The following MICALL2 variants were observed in gnomAD, a reference collection of about 807,000 sequenced individuals.
MICALL2 encodes MICAL-like protein 2.
A neutral mutation model predicts 91.1 loss-of-function variants in MICALL2; 111 were observed. That is an observed-to-expected ratio of 1.22 (90% CI 1.04 to 1.43). The LOEUF (loss-of-function observed/expected upper bound fraction) is 1.43, where lower values mean the gene tolerates loss of function less well. MICALL2 is among the 40% of genes most tolerant of loss of function. MICALL2 has a pLI of 0.00. For synonymous variants in MICALL2, 694 were observed against 525.3 expected (o/e 1.32, Z -4.39); for missense variants, 1,556 against 1,236.0 (o/e 1.26, Z -3.88).
Position 1,438,869 on chromosome 7 carries a change from T to C in MICALL2, c.2093A>G (p.Glu698Gly). The C allele has an allele frequency of 1.2e-6, 2 of 1,608,902 alleles. No individual in the cohort carries two copies. Residue 698 changes from glutamate to glycine, a missense_variant, in exon 10 of 17, where the codon GAG becomes GGG. Transcript: ENST00000297508. ...EARVQSWKEE[E>G]KKPHLQGKPG... is the part of the protein sequence containing the mutation. ...TTTGCCCTGAAGGTGAGGTTTCTTC[T>C]CCTCCTCCTTCCAGCTCTGCACTCG...
At chr7:1,457,537 A>G (rs936493589) in intron 1 of MICALL2, among the ~76,000 whole-genome samples, 1 of 152,248 alleles carries the variant, frequency 6.6e-6, no homozygotes, top group Admixed American at 6.5e-5. Flanking sequence ...GAACTGGCAC[A>G]GGACTCAGTG....
At chr7:1,439,874 G>C (rs752263690) in intron 9 of MICALL2, 51 bp downstream of exon 9, 2 of 1,378,542 alleles carry the variant, frequency 1.5e-6, no homozygotes, top group Non-Finnish European at 9.4e-7. Context: ...CCACCCAAGG[G>C]GGAGGGCCAG....
intron 1 of MICALL2, among the ~76,000 whole-genome samples, chr7:1,457,041 A>C (rs756294785): frequency 3.3e-5 from 5 of 152,032 alleles, no homozygotes; most frequent in Admixed American, 6.5e-5. Flanking sequence ...CTTGCTGCCT[A>C]AGGAGGTTCT....
chr7:1,439,352 C>T, intron 9 of MICALL2: 1 of 258,462 alleles, frequency 3.9e-6, no homozygotes, highest in Non-Finnish European at 7.4e-6. Flanking sequence ...ACACATGCAT[C>T]ACATTCATGA....
intron 6 of MICALL2, 111 bp from the exon 7 acceptor site, chr7:1,442,595 G>A (rs1403551003): frequency 8.3e-5 from 91 of 1,096,954 alleles, no homozygotes; most frequent in African/African-American, 1.6e-4. Flanking sequence ...CCCAGCCTCC[G>A]GACGGACTCC....
chr7:1,438,112 G>C lies in MICALL2; in HGVS notation c.2296C>G (p.Arg766Gly), dbSNP rs766085386. 6.4e-7 allele frequency: 1 copy of C among 1,564,300 alleles called. No individual in the cohort carries two copies. Among genetic ancestry groups the C allele is most frequent in the South Asian group, 1.2e-5 (1 of 85,190 alleles). The change falls in exon 12 of 17, where the codon CGG becomes GGG. Residue 766 changes from arginine (R) to glycine (G), a missense_variant. Transcript: ENST00000297508. ...LRGVELEKRL[R>G]AAEGDDAEDS... ...AGGCGCTCACCTCCCTCGGCCGCCC[G>C]CAGTCGCTTCTCCAGCTCCACGCCG...
At chr7:1,449,158 C>G (rs1354497962) in intron 2 of MICALL2, among the ~76,000 whole-genome samples, 1 of 152,232 alleles carries the variant, frequency 6.6e-6, no homozygotes, top group Non-Finnish European at 1.5e-5. Flanking sequence ...GTCGCCATGT[C>G]AGGGCTCCCA....
At position 1,448,738 on chromosome 7, in the gene MICALL2, G is replaced by C; in HGVS notation, c.216C>G (p.His72Gln). 6.2e-7 allele frequency: 1 copy of C among 1,612,758 alleles called. No individual in the cohort carries two copies. The highest frequency in any genetic ancestry group is 1.1e-5 in the South Asian group (1 of 91,088). Reference protein sequence around the residue: ...NKLAFRVAEEHLGIPALLDAE... With the variant: ...NKLAFRVAEEQLGIPALLDAE... ...CATCCAGCAAGGCTGGGATGCCCAA[G>C]TGCTCCTCGGCCACGCGGAAGGCCT... is the stretch of plus-strand genomic sequence containing the variant. Residue 72 changes from histidine to glutamine, a missense_variant, in exon 3 of 17, where the codon CAC becomes CAG. Coordinates refer to ENST00000297508, the MANE Select transcript of MICALL2 (RefSeq NM_182924.4).
intron 5 of MICALL2, 155 bp downstream of exon 5, chr7:1,446,558 G>A: frequency 1.8e-6 from 1 of 569,550 alleles, no homozygotes; most frequent in Non-Finnish European, 3.1e-6. Context: ...GGGAGGAGGG[G>A]AGACGGGGAG....
Position 1,444,882 on chromosome 7 carries a change from T to G in MICALL2, c.1188A>C (p.Thr396=). ...APQTTLSSSS[T]SAATVDPPAW... is the part of the protein sequence containing the mutation. ...CTGGGGGGTCCACCGTGGCTGCAGA[T>G]GTGGAGCTTGAACTGAGTGTGGTTT... Residue 396 remains threonine (T), a synonymous_variant, in exon 6 of 17, where the codon ACA becomes ACC. Transcript: ENST00000297508. The G allele has an allele frequency of 6.3e-7, 1 of 1,588,796 alleles. No individual in the cohort carries two copies. The highest frequency in any genetic ancestry group is 8.5e-7 in the Non-Finnish European group (1 of 1,171,216).
In MICALL2 at chr7:1,448,753, G is replaced by A. The variant is rs747687829; in HGVS notation, c.201C>T (p.Arg67=). Residue 67 remains arginine (R), a synonymous_variant, in exon 3 of 17, where the codon CGC becomes CGT. Coordinates refer to ENST00000297508, the MANE Select transcript of MICALL2 (RefSeq NM_182924.4). ...GGATGCCCAAGTGCTCCTCGGCCAC[G>A]CGGAAGGCCTGCGAAAGGTGGGAGG... ...NIYENNKLAF[R]VAEEHLGIPA... The A allele has an allele frequency of 5.4e-5, 87 of 1,612,476 alleles. No homozygotes were observed. The highest frequency in any genetic ancestry group is 3.8e-5 in the Non-Finnish European group (45 of 1,179,884).
At chr7:1,436,017 C>T (rs929879908) in intron 15 of MICALL2, among the ~76,000 whole-genome samples, 1 of 150,350 alleles carries the variant, frequency 6.7e-6, no homozygotes. Context: ...GCGGCCACTG[C>T]ACTCCAGCCT....
chr7:1,446,588 A>AG (rs1780600756), intron 5 of MICALL2, 125 bp downstream of exon 5: 1 of 477,970 alleles, frequency 2.1e-6, no homozygotes, highest in Non-Finnish European at 3.7e-6. Flanking sequence ...GGAGGAGGGG[A>AG]GAGGGGAGAG....
chr7:1,438,371 T>C lies in MICALL2; in HGVS notation c.2123-18A>G, dbSNP rs765509527. On this transcript the variant is annotated intron_variant, in intron 10 of 16. Transcript: ENST00000297508. Reference sequence around the variant, plus strand: ...GGGTCTCCCTGGAGAAGGAGCAGGGTGAGCCTCTGGGACCTGGGCCACCAG... The same window carrying C: ...GGGTCTCCCTGGAGAAGGAGCAGGGCGAGCCTCTGGGACCTGGGCCACCAG... 2 of 1,592,818 alleles carry C rather than the reference T, an allele frequency of 1.3e-6. No individual in the cohort carries two copies. Among genetic ancestry groups the C allele is most frequent in the East Asian group, 2.3e-5 (1 of 44,176 alleles).
intron 9 of MICALL2, 105 bp downstream of exon 9, chr7:1,439,820 C>T (rs1026961776): frequency 1.4e-5 from 14 of 1,027,962 alleles, no homozygotes; most frequent in African/African-American, 6.8e-5. Context: ...AGCGCCTCTC[C>T]GCACACCCCA....
chr7:1,454,884 C>T (rs1241559711), intron 1 of MICALL2, among the ~76,000 whole-genome samples: 2 of 152,130 alleles, frequency 1.3e-5, no homozygotes, highest in Non-Finnish European at 2.9e-5. Context: ...GCACAGCGGC[C>T]GCCCCAGCCA....
rs200212119 is a variant in MICALL2, at chr7:1,435,432, TGACCTGGACAGGAG to T, written c.2592-299_2592-286del. ...GAAGGGCCTGGGCCGACCACACCAG[TGACCTGGACAGGAG>T]GACCTGGACAGGAGGGCCTGGGCCG... On this transcript the variant is annotated intron_variant, in intron 15 of 16. Coordinates refer to ENST00000297508, the MANE Select transcript of MICALL2 (RefSeq NM_182924.4). 6.3e-4 allele frequency among the ~76,000 whole-genome samples: 95 copies of T among 151,022 alleles called. No homozygotes were observed. In the East Asian group the frequency reaches 9.0e-3, roughly 14 times the overall value.
intron 1 of MICALL2, among the ~76,000 whole-genome samples, chr7:1,457,436 C>T (rs140417182): frequency 7.2e-4 from 109 of 152,358 alleles, no homozygotes; most frequent in African/African-American, 2.5e-3. Flanking sequence ...CCTCTGCACT[C>T]TCTGGAGCCA....
rs1780609056 is a variant in MICALL2, at chr7:1,446,698, A to G, written c.641+15T>C. On this transcript the variant is annotated intron_variant, in intron 5 of 16. Coordinates refer to ENST00000297508, the MANE Select transcript of MICALL2 (RefSeq NM_182924.4). ...GAGGTGCACACTCAGGCGTGCGGGCAGAGGGCAGCCCCACCTGAAGCAGCT... is the reference window on the plus strand; with the variant it reads ...GAGGTGCACACTCAGGCGTGCGGGCGGAGGGCAGCCCCACCTGAAGCAGCT... 4 of 1,562,122 alleles carry G rather than the reference A, an allele frequency of 2.6e-6. No individual in the cohort carries two copies. The East Asian group carries it at 9.3e-5, about 36-fold the overall frequency.
Sources: allele counts gnomAD v4.1 joint callset (sites outside exome capture counted in the v4.1 genomes callset), GRCh38; gene constraint gnomAD v4.1.1; transcripts MANE v1.5; gene names NCBI Gene and HGNC (gene_info 2026-07-23, HGNC 2026-07-21).